Variants in WSCD1 observed in about 807,000 individuals in gnomAD.
The protein encoded by WSCD1 is sialate:O-sulfotransferase 1.
Under a neutral mutation model 60.4 loss-of-function variants are expected in WSCD1, and 41 were observed. That is an observed-to-expected ratio of 0.68 (90% CI 0.53 to 0.88). The LOEUF (loss-of-function observed/expected upper bound fraction) is 0.88. Ranked by LOEUF, WSCD1 falls within the 40% of genes least tolerant of loss-of-function variation. WSCD1 has a pLI of 0.00. For synonymous variants in WSCD1, 361 were observed against 332.5 expected, an observed-to-expected ratio of 1.09 and a Z score of -0.93; for missense variants, 784 against 796.2, an observed-to-expected ratio of 0.98 and a Z score of 0.18.
chr17:6,088,247 A>G (rs1909790461), intron 3 of WSCD1, 143 bp downstream of exon 3: 1 of 732,850 alleles, frequency 1.4e-6, no homozygotes, highest in Non-Finnish European at 2.2e-6. Context: ...TCCAGAAGAA[A>G]GGAAGTTTGT....
Position 6,092,626 on chromosome 17 carries a change from CGCTG to C in WSCD1, c.727+2125_727+2128del, listed in dbSNP as rs1328180223. Among the ~76,000 whole-genome samples the C allele has an allele frequency of 6.6e-5, 10 of 152,302 alleles. No homozygotes were observed. In the South Asian group the frequency reaches 1.0e-3, roughly 16 times the overall value. The stretch of plus-strand genomic sequence containing the variant: ...GCTTCCTGAGGACCAAACTGCTCCA[CGCTG>C]GCTTCTTGGAGCTTTTATTTCTTTG... On this transcript the variant is annotated intron_variant, in intron 4 of 8. Coordinates refer to ENST00000317744, the MANE Select transcript of WSCD1 (RefSeq NM_015253.2).
intron 5 of WSCD1, among the ~76,000 whole-genome samples, chr17:6,099,051 C>T (rs553289920): frequency 3.2e-5 from 4 of 123,434 alleles, no homozygotes; most frequent in African/African-American, 1.1e-4. Flanking sequence ...CCCAGGTGGC[C>T]CAGCGTGCAG....
At chr17:6,109,266 C>T (rs1045136057) in intron 5 of WSCD1, among the ~76,000 whole-genome samples, 2 of 152,142 alleles carry the variant, frequency 1.3e-5, no homozygotes. Flanking sequence ...CTTGGAATCT[C>T]AAAAACATGA....
At position 6,090,549 on chromosome 17, in the gene WSCD1, C is replaced by T; in HGVS notation, c.727+44C>T. 1.9e-6 allele frequency: 3 copies of T among 1,596,950 alleles called. No homozygotes were observed. The South Asian group carries it at 3.4e-5, about 18-fold the overall frequency. On this transcript the variant is annotated intron_variant, in intron 4 of 8. Transcript: ENST00000317744. ...TCCTGAGCTTTGTCCGTCTGTCCCA[C>T]CCGCTCTGGCTGCCCATCCCCCACA...
chr17:6,105,171 C>G (rs1346955462), intron 5 of WSCD1, among the ~76,000 whole-genome samples: 1 of 152,160 alleles, frequency 6.6e-6, no homozygotes, highest in Non-Finnish European at 1.5e-5. Context: ...AGGCTGAATG[C>G]CCACCCATAC....
intron 5 of WSCD1, 52 bp downstream of exon 5, chr17:6,095,275 T>C (rs113707707): frequency 0.018 from 27,857 of 1,568,240 alleles, 456 homozygotes; most frequent in African/African-American, 0.079. Context: ...TGTGTGGTGG[T>C]CCTGAGAGAG....
intron 5 of WSCD1, among the ~76,000 whole-genome samples, chr17:6,096,861 C>G (rs926136907): frequency 6.6e-6 from 1 of 152,230 alleles, no homozygotes; most frequent in African/African-American, 2.4e-5. Flanking sequence ...CCAGACCAGG[C>G]TGGAGGCAGG....
chr17:6,071,127 C>T (rs1908518060), intron 1 of WSCD1: 1 of 152,244 alleles, frequency 6.6e-6, no homozygotes. Flanking sequence ...AGGGTTTGCT[C>T]CGTCTCTTGG....
intron 1 of WSCD1, among the ~76,000 whole-genome samples, chr17:6,073,593 A>G (rs1224342595): frequency 6.6e-6 from 1 of 152,220 alleles, no homozygotes; most frequent in Non-Finnish European, 1.5e-5. Context: ...TCATGCCACT[A>G]CATTCTAGCT....
At chr17:6,090,808 C>T (rs930021162) in intron 4 of WSCD1, among the ~76,000 whole-genome samples, 1 of 152,158 alleles carries the variant, frequency 6.6e-6, no homozygotes, top group African/African-American at 2.4e-5. Flanking sequence ...CGGCAGCTCA[C>T]TGCCCCTCTC....
At chr17:6,077,668 C>A (rs1252411811) in intron 1 of WSCD1, among the ~76,000 whole-genome samples, 1 of 152,196 alleles carries the variant, frequency 6.6e-6, no homozygotes, top group Non-Finnish European at 1.5e-5. Context: ...CTCCTCACCC[C>A]AGCCCTACTT....
chr17:6,111,723 A>AT (rs1219430861), intron 7 of WSCD1, among the ~76,000 whole-genome samples: 5 of 150,018 alleles, frequency 3.3e-5, no homozygotes, highest in Non-Finnish European at 5.9e-5. Context: ...AAAAAAAAAA[A>AT]AGAGCAAGGA....
At position 6,070,486 on chromosome 17, in the gene WSCD1, C is replaced by G. The variant is rs909438030; in HGVS notation, c.-455C>G. On this transcript the variant is annotated 5_prime_UTR_variant, in exon 1 of 9. Transcript: ENST00000317744. Reference sequence around the variant, plus strand: ...CCAGCAGCCCCGGGGAGCCAGGCGGCGGCGCCCTGTGCCCGGGCGCGTGGG... The same window carrying G: ...CCAGCAGCCCCGGGGAGCCAGGCGGGGGCGCCCTGTGCCCGGGCGCGTGGG... 1 of 147,058 alleles carries G rather than the reference C, an allele frequency of 6.8e-6. No homozygotes were observed. Among genetic ancestry groups the G allele is most frequent in the African/African-American group, 2.4e-5 (1 of 40,872 alleles). The allele number at this position is 147,058 out of a possible 1,614,324, so 9.1% of individuals were successfully genotyped here. A position where few individuals can be genotyped will look rare whatever the true frequency, so the allele number is the denominator to read the frequency against.
At chr17:6,107,210 C>T (rs1428425735) in intron 5 of WSCD1, among the ~76,000 whole-genome samples, 1 of 152,138 alleles carries the variant, frequency 6.6e-6, no homozygotes, top group Non-Finnish European at 1.5e-5. Flanking sequence ...TTAGGGCCTA[C>T]CCTGATGGCC....
intron 1 of WSCD1, chr17:6,078,077 G>A (rs2150528807): frequency 6.6e-6 from 1 of 152,386 alleles, no homozygotes; most frequent in Middle Eastern, 3.4e-3. Flanking sequence ...ATGGCTCTGG[G>A]TAAGTGGAAT....
intron 7 of WSCD1, among the ~76,000 whole-genome samples, chr17:6,111,909 A>G (rs560176242): frequency 1.3e-5 from 2 of 152,328 alleles, no homozygotes; most frequent in South Asian, 4.1e-4. Context: ...TATGATCCGA[A>G]TGAGAAATTC....
intron 1 of WSCD1, among the ~76,000 whole-genome samples, chr17:6,076,035 G>T (rs542182281): frequency 6.6e-6 from 1 of 152,176 alleles, no homozygotes; most frequent in Non-Finnish European, 1.5e-5. Flanking sequence ...TGACAGAGGC[G>T]CACTAAACTC....
intron 5 of WSCD1, among the ~76,000 whole-genome samples, chr17:6,106,427 A>G (rs1232474054): frequency 6.6e-6 from 1 of 152,262 alleles, no homozygotes; most frequent in Non-Finnish European, 1.5e-5. Context: ...GCAATGAAAA[A>G]GGAATGATCC....
At chr17:6,094,742 G>C (rs1175554058) in intron 4 of WSCD1, among the ~76,000 whole-genome samples, 1 of 146,168 alleles carries the variant, frequency 6.8e-6, no homozygotes, top group Non-Finnish European at 1.5e-5. Flanking sequence ...GGGAAGGAGG[G>C]AGGGAGGGAA....
Sources: allele counts gnomAD v4.1 joint callset (sites outside exome capture counted in the v4.1 genomes callset), GRCh38; gene constraint gnomAD v4.1.1; transcripts MANE v1.5; gene names NCBI Gene and HGNC (gene_info 2026-07-23, HGNC 2026-07-21).